The following TBX1 variants were observed in gnomAD, a reference collection of about 807,000 sequenced individuals.
The protein encoded by TBX1 is T-box transcription factor 1.
Under a neutral mutation model 40.8 loss-of-function variants are expected in TBX1, and 16 were observed. That is an observed-to-expected ratio of 0.39 (90% CI 0.27 to 0.60). The LOEUF is 0.60. Among genes scored for constraint, TBX1 ranks in the 20% least tolerant of loss-of-function variants. The pLI is 0.51. For synonymous variants in TBX1, 403 were observed against 336.8 expected, an observed-to-expected ratio of 1.20 and a Z score of -2.15; for missense variants, 755 against 728.5, an observed-to-expected ratio of 1.04 and a Z score of -0.42.
upstream of TBX1, chr22:19,759,810 G>A (rs894789814): frequency 3.6e-6 from 4 of 1,119,256 alleles, no homozygotes; most frequent in African/African-American, 6.2e-5. Flanking sequence ...TGCGATTCTG[G>A]GGCAGAGAGG....
At chr22:19,777,981 A>G (rs181485096) in intron 8 of TBX1, among the ~76,000 whole-genome samples, 7 of 152,150 alleles carry the variant, frequency 4.6e-5, no homozygotes, top group African/African-American at 1.7e-4. Flanking sequence ...GCTGGTCTCG[A>G]ACTCCTGAGC....
chr22:19,769,534 C>T (rs921797535), downstream of TBX1, among the ~76,000 whole-genome samples: 7 of 152,210 alleles, frequency 4.6e-5, no homozygotes, highest in African/African-American at 4.8e-5. Context: ...GACTGGCGCA[C>T]GCCGCTGCTC....
intron 1 of TBX1, among the ~76,000 whole-genome samples, chr22:19,761,726 G>C (rs1472326862): frequency 4.6e-5 from 7 of 152,354 alleles, no homozygotes; most frequent in Middle Eastern, 3.4e-3. Flanking sequence ...CAGTCTATGC[G>C]GGCAAGATAA....
rs1936870942 is a variant in TBX1, at chr22:19,766,768, C to CGCG, written c.1419_1421dup (p.Ala485dup). On this transcript the variant is annotated inframe_insertion, in exon 7 of 7. Transcript: ENST00000649276. ...ACCACCACCCCGTGAGTCCAGCCGC[C>CGCG]GCGGCCGCCGCCGCCGCTGCCGCAG... 1 of 1,473,428 alleles carries CGCG rather than the reference C, an allele frequency of 6.8e-7. No individual in the cohort carries two copies. Among genetic ancestry groups the CGCG allele is most frequent in the Admixed American group, 2.7e-5 (1 of 37,580 alleles). 91.3% of individuals were successfully genotyped at this position (1,473,428 alleles called of 1,614,324 possible).
chr22:19,768,104 AG>A (rs1936920426), downstream of TBX1, among the ~76,000 whole-genome samples: 4 of 152,296 alleles, frequency 2.6e-5, 1 homozygote, highest in African/African-American at 9.6e-5. Flanking sequence ...GCAAGCAGGA[AG>A]GGCTGACAGC....
intron 8 of TBX1, among the ~76,000 whole-genome samples, chr22:19,774,271 T>C (rs1244465011): frequency 6.6e-6 from 1 of 152,152 alleles, no homozygotes; most frequent in Non-Finnish European, 1.5e-5. Flanking sequence ...AAGACCCGCC[T>C]GGGCGGGCCT....
At chr22:19,776,685 C>A (rs995242771) in intron 8 of TBX1, among the ~76,000 whole-genome samples, 2 of 152,182 alleles carry the variant, frequency 1.3e-5, no homozygotes, top group East Asian at 3.9e-4. Context: ...AGCACGCCTA[C>A]CCTCAAGGGA....
chr22:19,763,049 G>A (rs909639346), intron 1 of TBX1, among the ~76,000 whole-genome samples, 192 bp from the exon 2 acceptor site: 10 of 152,212 alleles, frequency 6.6e-5, no homozygotes, highest in Non-Finnish European at 1.2e-4. Context: ...GCTGCGCCAA[G>A]CTCCCAGTTG....
At chr22:19,770,594 G>C (rs1404932530), downstream of TBX1, among the ~76,000 whole-genome samples, 1 of 152,238 alleles carries the variant, frequency 6.6e-6, no homozygotes, top group Non-Finnish European at 1.5e-5. Context: ...ACAAGACCCT[G>C]GCCCGGTGGA....
At chr22:19,773,653 C>T (rs1283520746) in intron 8 of TBX1, among the ~76,000 whole-genome samples, 1 of 152,250 alleles carries the variant, frequency 6.6e-6, no homozygotes, top group African/African-American at 2.4e-5. Context: ...ACCTCCTGAC[C>T]TCCACCTGCT....
Position 19,766,659 on chromosome 22 carries a change from T to C in TBX1, c.1307T>C (p.Leu436Pro). Residue 436 changes from leucine (L) to proline (P), a missense_variant, in exon 7 of 7, where the codon CTC becomes CCC. Transcript: ENST00000649276. Reference protein sequence around the residue: ...KYPAAAYDHYLGAKSRPAPYP... With the variant: ...KYPAAAYDHYPGAKSRPAPYP... ...CCGGCCGCCGCCTACGACCACTATCTCGGGGCCAAGAGCCGGCCGGCGCCC... is the reference window on the plus strand; with the variant it reads ...CCGGCCGCCGCCTACGACCACTATCCCGGGGCCAAGAGCCGGCCGGCGCCC... 6.4e-7 allele frequency: 1 copy of C among 1,552,442 alleles called. No individual in the cohort carries two copies. Among genetic ancestry groups the C allele is most frequent in the Non-Finnish European group, 8.6e-7 (1 of 1,157,874 alleles).
chr22:19,779,533 T>G (rs1937118181), exon 9 of TBX1: 1 of 1,525,598 alleles, frequency 6.6e-7, no homozygotes, highest in African/African-American at 1.4e-5. Context: ...ATAAAGTGCA[T>G]GTTTTGTAAT....
chr22:19,757,496 G>A (rs1242231590), upstream of TBX1, among the ~76,000 whole-genome samples: 1 of 152,210 alleles, frequency 6.6e-6, no homozygotes, highest in East Asian at 1.9e-4. Flanking sequence ...AGTGCCCTGA[G>A]GTGTGTGCAG....
intron 6 of TBX1, 130 bp downstream of exon 6, chr22:19,766,132 G>A (rs1936832925): frequency 1.1e-6 from 1 of 880,870 alleles, no homozygotes; most frequent in South Asian, 5.4e-5. Context: ...AACGGCCGCG[G>A]CGGCGGGCAA....
At chr22:19,762,948 C>T (rs41298812) in intron 1 of TBX1, among the ~76,000 whole-genome samples, 2,201 of 152,274 alleles carry the variant, frequency 0.014, 30 homozygotes, top group South Asian at 0.043. Flanking sequence ...AGGGCGAGGC[C>T]GAGTTTATGT....
downstream of TBX1, among the ~76,000 whole-genome samples, chr22:19,768,664 T>C (rs1018604915): frequency 3.9e-5 from 6 of 152,208 alleles, no homozygotes; most frequent in Non-Finnish European, 7.3e-5. Context: ...CCTCTCTTGC[T>C]GTCAGAAGGC....
chr22:19,771,276 TC>T (rs1194017840), downstream of TBX1, among the ~76,000 whole-genome samples: 4 of 152,200 alleles, frequency 2.6e-5, no homozygotes, highest in Admixed American at 6.5e-5. Flanking sequence ...GAGACCTTTT[TC>T]CTTGGTGCTA....
At chr22:19,780,738 C>T (rs956225573), downstream of TBX1, among the ~76,000 whole-genome samples, 4 of 150,920 alleles carry the variant, frequency 2.7e-5, no homozygotes, top group Non-Finnish European at 4.4e-5. Flanking sequence ...CCACCAATAG[C>T]GCACAAGGGT....
chr22:19,779,209 T>C lies in TBX1; in HGVS notation c.1010-11T>C, dbSNP rs779425143. ...CTTCATCCACTCTCATTGGATGGGG[T>C]TGTCACCCAGGTGGACATGTCCTGA... On this transcript the variant is annotated splice_polypyrimidine_tract_variant and intron_variant, in intron 8 of 8. Coordinates refer to the TBX1 transcript ENST00000329705. 3.1e-6 allele frequency: 5 copies of C among 1,614,124 alleles called. No individual in the cohort carries two copies. In the South Asian group the frequency reaches 4.4e-5, roughly 14 times the overall value.
Sources: allele counts gnomAD v4.1 joint callset (sites outside exome capture counted in the v4.1 genomes callset), GRCh38; gene constraint gnomAD v4.1.1; transcripts MANE v1.5; gene names NCBI Gene and HGNC (gene_info 2026-07-23, HGNC 2026-07-21).